KCNH8: variants seen among roughly 807,000 people sequenced by gnomAD.
KCNH8 encodes the protein potassium voltage-gated channel subfamily H member 8.
KCNH8 carries 70 observed loss-of-function variants against 103.6 expected under a neutral mutation model. That is an observed-to-expected ratio of 0.68 (90% CI 0.56 to 0.82). The LOEUF (loss-of-function observed/expected upper bound fraction) is 0.82, where lower values mean the gene tolerates loss of function less well. Among genes scored for constraint, KCNH8 ranks in the 40% least tolerant of loss-of-function variants. KCNH8 has a pLI of 0.00. For missense variants in KCNH8, 1,217 were observed against 1,329.9 expected (o/e 0.92, Z 1.32); for synonymous variants, 498 against 489.4 (o/e 1.02, Z -0.23).
Position 19,498,111 on chromosome 3 carries a change from T to C in KCNH8, c.2041-12252T>C, listed in dbSNP as rs574488001. On this transcript the variant is annotated intron_variant, in intron 11 of 15. Transcript: ENST00000328405. ...CTTGGTAGATTTTTCTTTATCCCTCTATTTTGAGCCTGTGATTGTCACTGC... is the reference window on the plus strand; with the variant it reads ...CTTGGTAGATTTTTCTTTATCCCTCCATTTTGAGCCTGTGATTGTCACTGC... Among the ~76,000 whole-genome samples the C allele has an allele frequency of 2.6e-5, 4 of 152,328 alleles. No homozygotes were observed. In the East Asian group the frequency reaches 7.7e-4, roughly 29 times the overall value.
intron 1 of KCNH8, among the ~76,000 whole-genome samples, chr3:19,177,031 ATG>A (rs2063407378): frequency 6.6e-6 from 1 of 152,146 alleles, no homozygotes; most frequent in Non-Finnish European, 1.5e-5. Context: ...TATCTAACAC[ATG>A]TGTTTTCTCC....
chr3:19,415,314 A>G (rs1023459535), intron 7 of KCNH8, among the ~76,000 whole-genome samples: 9 of 151,892 alleles, frequency 5.9e-5, no homozygotes, highest in African/African-American at 2.2e-4. Context: ...CATAGACTAA[A>G]TAACTTGTCC....
chr3:19,237,390 C>T (rs1266660073), intron 1 of KCNH8, among the ~76,000 whole-genome samples: 1 of 152,162 alleles, frequency 6.6e-6, no homozygotes, highest in Non-Finnish European at 1.5e-5. Context: ...TTTAGCTGGG[C>T]ACTCTTGTTC....
intron 8 of KCNH8, among the ~76,000 whole-genome samples, chr3:19,444,131 C>A (rs2067326998): frequency 6.6e-6 from 1 of 151,996 alleles, no homozygotes; most frequent in Admixed American, 6.6e-5. Context: ...CTACAGATAT[C>A]AAAATGTATT....
chr3:19,415,457 A>G (rs2066849260), intron 7 of KCNH8, among the ~76,000 whole-genome samples: 1 of 143,822 alleles, frequency 7.0e-6, no homozygotes, highest in African/African-American at 2.6e-5. Flanking sequence ...TAAATCTTAC[A>G]TATTTATTTA....
intron 1 of KCNH8, among the ~76,000 whole-genome samples, chr3:19,154,557 T>C (rs1389459791): frequency 6.6e-6 from 1 of 152,210 alleles, no homozygotes; most frequent in Admixed American, 6.5e-5. Flanking sequence ...GATGTTTCTT[T>C]TTACTATCTC....
intron 15 of KCNH8, among the ~76,000 whole-genome samples, chr3:19,529,131 G>C (rs78169270): frequency 0.017 from 2,545 of 152,146 alleles, 39 homozygotes; most frequent in Non-Finnish European, 0.028. Flanking sequence ...AGGACATGGA[G>C]CCATTAAAAA....
chr3:19,198,282 A>G (rs1335369084), intron 1 of KCNH8, among the ~76,000 whole-genome samples: 1 of 152,096 alleles, frequency 6.6e-6, no homozygotes, highest in African/African-American at 2.4e-5. Context: ...AGAGTAAGAT[A>G]GTGGTGGTTT....
intron 8 of KCNH8, among the ~76,000 whole-genome samples, chr3:19,443,807 ATAAT>A (rs912413166): frequency 3.3e-5 from 5 of 152,086 alleles, no homozygotes; most frequent in Admixed American, 1.3e-4. Context: ...ATGATTACAA[ATAAT>A]TAAATATGTA....
intron 11 of KCNH8, among the ~76,000 whole-genome samples, chr3:19,475,949 A>G (rs1205403646): frequency 6.6e-6 from 1 of 152,164 alleles, no homozygotes; most frequent in Non-Finnish European, 1.5e-5. Context: ...CCACGCACCA[A>G]TTTTGAGTAC....
intron 3 of KCNH8, among the ~76,000 whole-genome samples, chr3:19,310,995 C>G (rs543108726): frequency 6.6e-6 from 1 of 151,888 alleles, no homozygotes; most frequent in East Asian, 2.0e-4. Flanking sequence ...CTCTTTCATA[C>G]TGCTACACTT....
At chr3:19,288,167 G>C (rs1180569669) in intron 3 of KCNH8, among the ~76,000 whole-genome samples, 1 of 128,808 alleles carries the variant, frequency 7.8e-6, no homozygotes, top group African/African-American at 3.5e-5. Context: ...TTCTTGCACC[G>C]GTGTATCAAA....
chr3:19,352,700 A>AACAT (rs1210463036), intron 5 of KCNH8, among the ~76,000 whole-genome samples: 1 of 152,228 alleles, frequency 6.6e-6, no homozygotes, highest in Non-Finnish European at 1.5e-5. Context: ...ACAAAGACAC[A>AACAT]ACATACCAGA....
chr3:19,427,169 C>T (rs2125162385), intron 7 of KCNH8, among the ~76,000 whole-genome samples: 1 of 152,138 alleles, frequency 6.6e-6, no homozygotes, highest in South Asian at 2.1e-4. Flanking sequence ...AGGATATTGG[C>T]CCATTGTTCT....
At chr3:19,360,168 T>C (rs963298890) in intron 5 of KCNH8, among the ~76,000 whole-genome samples, 3 of 152,074 alleles carry the variant, frequency 2.0e-5, no homozygotes, top group African/African-American at 7.2e-5. Context: ...GAAATGCACA[T>C]ACCCTAGGAT....
intron 7 of KCNH8, among the ~76,000 whole-genome samples, chr3:19,414,074 C>G (rs970493691): frequency 2.0e-5 from 3 of 152,096 alleles, no homozygotes; most frequent in African/African-American, 7.2e-5. Context: ...TACTCACACT[C>G]TGCCCTCTGA....
intron 5 of KCNH8, among the ~76,000 whole-genome samples, chr3:19,356,290 C>A (rs2065881393): frequency 6.6e-6 from 1 of 151,626 alleles, no homozygotes; most frequent in Non-Finnish European, 1.5e-5. Context: ...ATGATTAATC[C>A]AGCATCTCTC....
At chr3:19,429,750 CCA>C (rs2067091739) in intron 7 of KCNH8, among the ~76,000 whole-genome samples, 1 of 152,092 alleles carries the variant, frequency 6.6e-6, no homozygotes, top group Admixed American at 6.5e-5. Flanking sequence ...CTGAAAGGCC[CCA>C]GTGTGTGGTG....
At chr3:19,170,721 C>CATAT (rs1404574623) in intron 1 of KCNH8, among the ~76,000 whole-genome samples, 1 of 113,562 alleles carries the variant, frequency 8.8e-6, no homozygotes, top group South Asian at 2.8e-4. Context: ...TATACACACA[C>CATAT]ATATATACAC....
Sources: allele counts gnomAD v4.1 joint callset (sites outside exome capture counted in the v4.1 genomes callset), GRCh38; gene constraint gnomAD v4.1.1; transcripts MANE v1.5; gene names NCBI Gene and HGNC (gene_info 2026-07-23, HGNC 2026-07-21).